The following PHTF2 variants were observed in gnomAD, a reference collection of about 807,000 sequenced individuals.
PHTF2 encodes putative homeodomain transcription factor 2.
A neutral mutation model predicts 101.2 loss-of-function variants in PHTF2; 60 were observed. That is an observed-to-expected ratio of 0.59 (90% CI 0.48 to 0.73). The LOEUF (loss-of-function observed/expected upper bound fraction) is 0.73, where lower values mean the gene tolerates loss of function less well. Ranked by LOEUF, PHTF2 falls within the 30% of genes least tolerant of loss-of-function variation. PHTF2 has a pLI of 0.00. For synonymous variants in PHTF2, 311 were observed against 307.3 expected (o/e 1.01, Z -0.13); for missense variants, 747 against 908.7 (o/e 0.82, Z 2.29).
intron 8 of PHTF2, chr7:77,909,643 C>G (rs778235900): frequency 6.5e-6 from 1 of 152,800 alleles, no homozygotes; most frequent in Non-Finnish European, 1.5e-5. Context: ...GCTGGGATTA[C>G]AGGCATGAGC....
intron 1 of PHTF2, among the ~76,000 whole-genome samples, chr7:77,817,876 A>G (rs12533926): frequency 0.16 from 24,332 of 151,920 alleles, 2,779 homozygotes; most frequent in African/African-American, 0.32. Context: ...TTGGGAGGCC[A>G]AGGTGGGTGG....
intron 1 of PHTF2, among the ~76,000 whole-genome samples, chr7:77,837,054 A>T (rs755524069): frequency 5.9e-5 from 9 of 152,128 alleles, no homozygotes; most frequent in Non-Finnish European, 7.4e-5. Context: ...GTTAGCTTAG[A>T]GTTAACTGCC....
chr7:77,939,867 A>G (rs1250566299), intron 13 of PHTF2, among the ~76,000 whole-genome samples, 163 bp from the exon 13 acceptor site: 1 of 152,216 alleles, frequency 6.6e-6, no homozygotes, highest in Non-Finnish European at 1.5e-5. Context: ...AATTAATGAC[A>G]TTTTATATGT....
chr7:77,939,740 G>T (rs143544633), intron 13 of PHTF2, among the ~76,000 whole-genome samples: 1 of 152,110 alleles, frequency 6.6e-6, no homozygotes, highest in East Asian at 1.9e-4. Flanking sequence ...CAGTATTTAT[G>T]AATATTTCTA....
intron 1 of PHTF2, among the ~76,000 whole-genome samples, chr7:77,824,066 G>A (rs1474989002): frequency 2.0e-5 from 3 of 152,002 alleles, no homozygotes; most frequent in Non-Finnish European, 4.4e-5. Context: ...AGAGAAGTTT[G>A]GAGGTATGAC....
chr7:77,935,617 T>G lies in PHTF2; in HGVS notation c.1339-2093T>G, dbSNP rs190453835. On this transcript the variant is annotated intron_variant, in intron 12 of 19. Coordinates refer to ENST00000416283, the Ensembl canonical transcript of PHTF2. ...AAATAATGTAATATCAGATGCTGGA[T>G]AGAGTAATTGGCAAGGTAGCTAGAT... is the stretch of plus-strand genomic sequence containing the variant. Among the ~76,000 whole-genome samples, 661 of 152,316 alleles carry G rather than the reference T, an allele frequency of 4.3e-3. 6 individuals are homozygous for G. The highest frequency in any genetic ancestry group is 6.0e-3 in the Non-Finnish European group (405 of 68,022).
At chr7:77,830,724 G>C (rs1458907653) in intron 1 of PHTF2, among the ~76,000 whole-genome samples, 1 of 152,194 alleles carries the variant, frequency 6.6e-6, no homozygotes, top group African/African-American at 2.4e-5. Flanking sequence ...ATTGCTTGCA[G>C]ACCCATATCA....
At chr7:77,902,150 GAGA>G (rs1420883912) in intron 7 of PHTF2, among the ~76,000 whole-genome samples, 3 of 151,746 alleles carry the variant, frequency 2.0e-5, no homozygotes, top group African/African-American at 7.3e-5. Context: ...AATAGAAATC[GAGA>G]AGATTTTTTA....
At chr7:77,953,922 C>G (rs772638777) in intron 19 of PHTF2, 28 bp downstream of exon 18, 2 of 1,607,156 alleles carry the variant, frequency 1.2e-6, no homozygotes, top group African/African-American at 2.7e-5. Flanking sequence ...CTTTTTATTT[C>G]TTAGTTTCCT....
chr7:77,936,714 C>T (rs1044438691), intron 12 of PHTF2, among the ~76,000 whole-genome samples: 1 of 151,578 alleles, frequency 6.6e-6, no homozygotes, highest in African/African-American at 2.4e-5. Flanking sequence ...CTTAAAAATA[C>T]ACTAGAAATA....
chr7:77,953,664 G>A (rs1194612437), intron 18 of PHTF2, 105 bp from the exon 18 acceptor site: 2 of 874,386 alleles, frequency 2.3e-6, no homozygotes, highest in Non-Finnish European at 3.4e-6. Context: ...ATCCATAATT[G>A]GTAACTTTTT....
intron 9 of PHTF2, among the ~76,000 whole-genome samples, chr7:77,913,909 CA>C (rs1175923959): frequency 6.6e-6 from 1 of 151,406 alleles, no homozygotes; most frequent in African/African-American, 2.4e-5. Flanking sequence ...AATTAAAATA[CA>C]AAAAAATTAG....
intron 3 of PHTF2, among the ~76,000 whole-genome samples, chr7:77,879,990 G>A (rs1045028725): frequency 1.3e-4 from 20 of 152,214 alleles, no homozygotes; most frequent in African/African-American, 4.6e-4. Context: ...ATGTTAAAGT[G>A]ATACATATTT....
At chr7:77,956,063 T>TA (rs1231021920) in exon 20 of PHTF2, 1 of 152,606 alleles carries the variant, frequency 6.6e-6, no homozygotes, top group Non-Finnish European at 1.5e-5. Context: ...GCAAATATGA[T>TA]AGTGTCTTAC....
At chr7:77,937,835 C>A in exon 13 of PHTF2, 1 of 1,495,232 alleles carries the variant, frequency 6.7e-7, no homozygotes, top group Non-Finnish European at 9.0e-7. Context: ...TGATAATGAA[C>A]AGAGTGAGTT....
rs1562981843 is a variant in PHTF2, at chr7:77,953,912, CT to C, written c.2337+23del. Reference sequence around the variant, plus strand: ...ATTTAAAGGTAAGAGGTTGCAAGTACTTTTTATTTCTTAGTTTCCTGTTGCA... The same window carrying C: ...ATTTAAAGGTAAGAGGTTGCAAGTACTTTTATTTCTTAGTTTCCTGTTGCA... On this transcript the variant is annotated intron_variant, in intron 19 of 19. Transcript: ENST00000416283. 6.2e-7 allele frequency: 1 copy of C among 1,610,204 alleles called. No homozygotes were observed. Among genetic ancestry groups the C allele is most frequent in the Non-Finnish European group, 8.5e-7 (1 of 1,177,542 alleles).
intron 5 of PHTF2, among the ~76,000 whole-genome samples, chr7:77,894,319 C>A (rs1380362996): frequency 6.6e-6 from 1 of 152,046 alleles, no homozygotes; most frequent in African/African-American, 2.4e-5. Context: ...TATATTTTTT[C>A]ATTTGCATAG....
chr7:77,834,424 T>C (rs942565953), intron 1 of PHTF2, among the ~76,000 whole-genome samples: 2 of 152,186 alleles, frequency 1.3e-5, no homozygotes, highest in African/African-American at 4.8e-5. Context: ...TATACATTGT[T>C]CTTTGTATCA....
At chr7:77,875,290 A>G (rs1445627971) in intron 3 of PHTF2, among the ~76,000 whole-genome samples, 1 of 150,812 alleles carries the variant, frequency 6.6e-6, no homozygotes, top group Non-Finnish European at 1.5e-5. Flanking sequence ...TAGATCTTCC[A>G]CCTCCCTGGT....
Sources: allele counts gnomAD v4.1 joint callset (sites outside exome capture counted in the v4.1 genomes callset), GRCh38; gene constraint gnomAD v4.1.1; transcripts MANE v1.5; gene names NCBI Gene and HGNC (gene_info 2026-07-23, HGNC 2026-07-21).